Variants in MARCHF1 observed in about 807,000 individuals in gnomAD.
MARCHF1 encodes membrane associated ring-CH-type finger 1, also known as E3 ubiquitin-protein ligase MARCHF1.
In MARCHF1, 40 loss-of-function variants were observed where a neutral mutation model predicts 54.2. That is an observed-to-expected ratio of 0.74 (90% CI 0.57 to 0.96). The LOEUF is 0.96. MARCHF1 is among the 40% of genes least tolerant of loss of function. The pLI, the probability that MARCHF1 is intolerant of heterozygous loss-of-function variation, is 0.00. For missense variants in MARCHF1, 586 were observed against 656.5 expected (o/e 0.89, Z 1.17); for synonymous variants, 236 against 236.3 (o/e 1.00, Z 0.01).
At chr4:164,350,756 G>A (rs1730268870) in intron 1 of MARCHF1, among the ~76,000 whole-genome samples, 2 of 152,172 alleles carry the variant, frequency 1.3e-5, no homozygotes, top group Admixed American at 6.5e-5. Context: ...GTTGGGAGGA[G>A]GAGCCAAGAT....
At chr4:163,673,708 C>T (rs1743810486) in intron 5 of MARCHF1, among the ~76,000 whole-genome samples, 1 of 152,016 alleles carries the variant, frequency 6.6e-6, no homozygotes, top group Non-Finnish European at 1.5e-5. Context: ...AAAGTACTTG[C>T]CATATACCAC....
intron 4 of MARCHF1, among the ~76,000 whole-genome samples, chr4:163,733,959 T>C (rs1745956555): frequency 6.6e-6 from 1 of 152,082 alleles, no homozygotes; most frequent in African/African-American, 2.4e-5. Flanking sequence ...TGCTCAATAA[T>C]AAGAGAATAA....
intron 2 of MARCHF1, among the ~76,000 whole-genome samples, chr4:164,035,348 A>G (rs747437364): frequency 5.9e-5 from 9 of 152,112 alleles, no homozygotes; most frequent in African/African-American, 2.2e-4. Context: ...TCTGTAGATT[A>G]GTTATGTTTT....
At chr4:164,216,514 G>T (rs7697685) in intron 1 of MARCHF1, among the ~76,000 whole-genome samples, 1 of 152,144 alleles carries the variant, frequency 6.6e-6, no homozygotes. Flanking sequence ...TGAAAAAATA[G>T]TTCTATGTGA....
chr4:163,776,581 T>C (rs1747311717), intron 4 of MARCHF1, among the ~76,000 whole-genome samples: 1 of 152,100 alleles, frequency 6.6e-6, no homozygotes, highest in Admixed American at 6.6e-5. Context: ...GTTGGTCTCA[T>C]GTTTTGATTG....
At chr4:164,370,254 AAAG>A (rs1351185826) in intron 1 of MARCHF1, among the ~76,000 whole-genome samples, 5 of 152,204 alleles carry the variant, frequency 3.3e-5, no homozygotes, top group Admixed American at 3.3e-4. Flanking sequence ...GTGAGGGTGA[AAAG>A]AAGAAAGTAG....
intron 2 of MARCHF1, among the ~76,000 whole-genome samples, chr4:164,071,576 T>C (rs913019620): frequency 6.6e-6 from 1 of 152,172 alleles, no homozygotes; most frequent in African/African-American, 2.4e-5. Context: ...TTTAAGTTAA[T>C]AGTCATAAAG....
At chr4:164,100,905 G>T (rs551125862) in intron 2 of MARCHF1, among the ~76,000 whole-genome samples, 1 of 152,106 alleles carries the variant, frequency 6.6e-6, no homozygotes, top group Admixed American at 6.5e-5. Context: ...GTGGGTGCGC[G>T]CACAGTGCGC....
At chr4:164,124,204 A>G (rs1756133370) in intron 1 of MARCHF1, among the ~76,000 whole-genome samples, 1 of 152,134 alleles carries the variant, frequency 6.6e-6, no homozygotes, top group African/African-American at 2.4e-5. Flanking sequence ...ACAATGAAAT[A>G]TAATTTAATT....
At chr4:164,207,390 C>A (rs1043571082) in intron 1 of MARCHF1, among the ~76,000 whole-genome samples, 1 of 152,022 alleles carries the variant, frequency 6.6e-6, no homozygotes, top group African/African-American at 2.4e-5. Flanking sequence ...TTACAGGCAC[C>A]GGCAGTGAAT....
chr4:164,034,671 A>C (rs1753955720), intron 2 of MARCHF1, among the ~76,000 whole-genome samples: 1 of 152,136 alleles, frequency 6.6e-6, no homozygotes, highest in Non-Finnish European at 1.5e-5. Context: ...TAATAGCTTT[A>C]TTATTTAGAT....
In MARCHF1 at chr4:164,335,581, CAAAAAAA is replaced by C. The variant is rs34889741; in HGVS notation, c.-323+48282_-323+48288del. 2.4e-4 allele frequency among the ~76,000 whole-genome samples: 29 copies of C among 121,744 alleles called. 1 individual carries two copies. Among genetic ancestry groups the C allele is most frequent in the Admixed American group, 7.9e-4 (10 of 12,608 alleles). The allele number at this position is 121,744 out of a possible 152,430, so 79.9% of individuals were successfully genotyped here. On this transcript the variant is annotated intron_variant, in intron 1 of 9. Coordinates refer to ENST00000514618, the MANE Select transcript of MARCHF1 (RefSeq NM_001394959.1). Reference sequence around the variant, plus strand: ...TGAGCAACAAAGCGAGACTCCATCTCAAAAAAAAAAAAAAAAAAGAGAATTTGCTTCA... The same window carrying C: ...TGAGCAACAAAGCGAGACTCCATCTCAAAAAAAAAAAGAGAATTTGCTTCA...
chr4:164,304,802 C>A (rs1178385579), intron 1 of MARCHF1, among the ~76,000 whole-genome samples: 2 of 152,070 alleles, frequency 1.3e-5, no homozygotes, highest in East Asian at 1.9e-4. Context: ...CCCATAAATA[C>A]CAGGGCTGTG....
rs563379296 is a variant in MARCHF1, at chr4:164,170,871, T to C, written c.-322-59209A>G. Among the ~76,000 whole-genome samples, 48 of 152,216 alleles carry C rather than the reference T, an allele frequency of 3.2e-4. 1 individual carries two copies. The highest frequency in any genetic ancestry group is 1.1e-3 in the African/African-American group (46 of 41,534). ...CACTGGAGAGAAAGCCATTACAATA[T>C]CCTGGTTGGCATGTTACTCATGTTC... On this transcript the variant is annotated intron_variant, in intron 1 of 9. Coordinates refer to ENST00000514618, the MANE Select transcript of MARCHF1 (RefSeq NM_001394959.1).
At chr4:163,757,045 A>C (rs191056879) in intron 4 of MARCHF1, among the ~76,000 whole-genome samples, 20 of 152,350 alleles carry the variant, frequency 1.3e-4, no homozygotes, top group African/African-American at 4.8e-4. Flanking sequence ...AATCACACTA[A>C]AAATGAAAAT....
chr4:163,666,657 A>C (rs973463681), intron 5 of MARCHF1, among the ~76,000 whole-genome samples: 9 of 152,020 alleles, frequency 5.9e-5, no homozygotes, highest in African/African-American at 2.2e-4. Flanking sequence ...GTTTATTTTC[A>C]GGGAACAGTA....
At chr4:164,342,753 G>A (rs1480051283) in intron 1 of MARCHF1, among the ~76,000 whole-genome samples, 1 of 151,988 alleles carries the variant, frequency 6.6e-6, no homozygotes, top group African/African-American at 2.4e-5. Flanking sequence ...AATACGGTAT[G>A]TGTATATACG....
intron 2 of MARCHF1, among the ~76,000 whole-genome samples, chr4:164,048,639 C>T (rs1045364323): frequency 5.3e-5 from 8 of 152,128 alleles, no homozygotes; most frequent in African/African-American, 1.9e-4. Context: ...AGTTGATACA[C>T]TAGAGTGATA....
chr4:163,620,220 G>A (rs1016212318), intron 5 of MARCHF1, among the ~76,000 whole-genome samples: 5 of 152,060 alleles, frequency 3.3e-5, no homozygotes, highest in South Asian at 4.1e-4. Context: ...TGGTATCCAC[G>A]TTAACTTATC....
Sources: gnomAD v4.1 joint callset for allele counts (sites outside exome capture counted in the v4.1 genomes callset) on GRCh38, gnomAD v4.1.1 for gene constraint, MANE v1.5 for transcripts, NCBI Gene and HGNC (gene_info 2026-07-23, HGNC 2026-07-21) for gene names.